Variants in RNF6 observed in about 807,000 individuals in gnomAD.
RNF6 encodes ring finger protein 6.
Under a neutral mutation model 50.1 loss-of-function variants are expected in RNF6, and 21 were observed. The ratio of observed to expected loss-of-function variants is 0.42; its 90% CI spans 0.30 to 0.60. The LOEUF (loss-of-function observed/expected upper bound fraction) is 0.60, where lower values mean the gene tolerates loss of function less well. Among genes scored for constraint, RNF6 ranks in the 20% least tolerant of loss-of-function variants. The pLI is 0.20. For synonymous variants in RNF6, 255 were observed against 291.8 expected (o/e 0.87, Z 1.29); for missense variants, 698 against 838.2 (o/e 0.83, Z 2.07).
At chr13:26,178,724 A>T (rs1186646692) in intron 5 of RNF6, among the ~76,000 whole-genome samples, 3 of 151,738 alleles carry the variant, frequency 2.0e-5, no homozygotes, top group African/African-American at 7.3e-5. Flanking sequence ...GATGTATATT[A>T]GATCTCCAGA....
intron 4 of RNF6, 116 bp from the exon 5 acceptor site, chr13:26,215,708 T>A: frequency 1.1e-6 from 1 of 899,322 alleles, no homozygotes; most frequent in Non-Finnish European, 1.6e-6. Flanking sequence ...CTGTGGATTT[T>A]AATGAATGAA....
intron 5 of RNF6, among the ~76,000 whole-genome samples, chr13:26,198,880 A>G (rs182191655): frequency 2.0e-5 from 3 of 152,160 alleles, no homozygotes; most frequent in African/African-American, 7.2e-5. Flanking sequence ...AATAACATTT[A>G]CAATAACTTC....
intron 5 of RNF6, among the ~76,000 whole-genome samples, chr13:26,206,351 T>C (rs1012302448): frequency 6.6e-6 from 1 of 152,156 alleles, no homozygotes; most frequent in Admixed American, 6.5e-5. Context: ...GTGTAGCCAC[T>C]GTGGTTAAGC....
At position 26,177,557 on chromosome 13, in the gene RNF6, TGA is replaced by T. The variant is rs573081905; in HGVS notation, n.768+37915_768+37916del. ...AACACACAGGTGATAACCATAACCA[TGA>T]GAGTGGCCCTGACAGTATATGCCCA... On this transcript the variant is annotated intron_variant and non_coding_transcript_variant, in intron 5 of 5. Coordinates refer to the RNF6 transcript ENST00000468480. Among the ~76,000 whole-genome samples the T allele has an allele frequency of 1.8e-3, 270 of 152,312 alleles. 2 individuals carry two copies. The highest frequency in any genetic ancestry group is 6.2e-3 in the African/African-American group (259 of 41,566).
intron 5 of RNF6, among the ~76,000 whole-genome samples, chr13:26,164,241 C>T (rs1872343407): frequency 6.6e-6 from 1 of 152,080 alleles, no homozygotes; most frequent in Non-Finnish European, 1.5e-5. Flanking sequence ...AAAATTTTGG[C>T]CATTATTTCT....
chr13:26,222,312 A>T lies in RNF6; in HGVS notation c.-411T>A, dbSNP rs566445118. ...AGCCGGCCCGGAGCTCGCCCGTGCAACTGAAAACTGCGTCCGTCGGGAGCT... is the reference window on the plus strand; with the variant it reads ...AGCCGGCCCGGAGCTCGCCCGTGCATCTGAAAACTGCGTCCGTCGGGAGCT... On this transcript the variant is annotated 5_prime_UTR_variant, in exon 1 of 5. The change creates a new upstream start codon in the 5' untranslated region. Transcript: ENST00000381588. 9.2e-5 allele frequency: 14 copies of T among 152,388 alleles called. No individual in the cohort carries two copies. Among genetic ancestry groups the T allele is most frequent in the African/African-American group, 3.4e-4 (14 of 41,564 alleles). 9.4% of individuals were successfully genotyped at this position (152,388 alleles called of 1,614,324 possible). A position where few individuals can be genotyped will look rare whatever the true frequency, so the allele number is the denominator to read the frequency against.
intron 5 of RNF6, among the ~76,000 whole-genome samples, chr13:26,184,874 T>C (rs908689717): frequency 6.6e-6 from 1 of 152,148 alleles, no homozygotes; most frequent in African/African-American, 2.4e-5. Flanking sequence ...CAAATGTCCT[T>C]AGCTGCCCTC....
At chr13:26,155,647 G>A (rs1871880017) in intron 5 of RNF6, among the ~76,000 whole-genome samples, 2 of 152,216 alleles carry the variant, frequency 1.3e-5, no homozygotes, top group South Asian at 4.1e-4. Context: ...TGCTGGACGG[G>A]CAATAGGTCT....
chr13:26,144,677 T>C (rs1313800146), intron 5 of RNF6, among the ~76,000 whole-genome samples: 1 of 152,220 alleles, frequency 6.6e-6, no homozygotes, highest in Non-Finnish European at 1.5e-5. Context: ...ATTCAGGTAT[T>C]GTCTCCATAT....
chr13:26,143,063 C>A (rs1338965210), intron 5 of RNF6, among the ~76,000 whole-genome samples: 1 of 152,184 alleles, frequency 6.6e-6, no homozygotes, highest in Non-Finnish European at 1.5e-5. Context: ...TTTATAACTA[C>A]CCTCTTCCAT....
At chr13:26,198,091 A>G (rs868621522) in intron 5 of RNF6, among the ~76,000 whole-genome samples, 1 of 149,830 alleles carries the variant, frequency 6.7e-6, no homozygotes. Flanking sequence ...GAGAATATGT[A>G]TGTGTGTGTA....
intron 5 of RNF6, among the ~76,000 whole-genome samples, chr13:26,179,552 A>T (rs1223536036): frequency 6.6e-6 from 1 of 152,158 alleles, no homozygotes; most frequent in Non-Finnish European, 1.5e-5. Flanking sequence ...TATTCTGAAC[A>T]GTTCCTTCTT....
rs1555314749 is a variant in RNF6 at position 26,149,920 on chromosome 13, G to GTGTA, written n.769-17470_769-17469insTACA. On this transcript the variant is annotated intron_variant and non_coding_transcript_variant, in intron 5 of 5. Transcript: ENST00000468480. ...CACACACACAGTGTATATATAATGT[G>GTGTA]TATATATATATACACAGTGTATATA... Among the ~76,000 whole-genome samples, 11 of 32,312 alleles carry GTGTA rather than the reference G, an allele frequency of 3.4e-4. 3 individuals carry two copies. In the Admixed American group the frequency reaches 3.7e-3, roughly 11 times the overall value. The allele number at this position is 32,312 out of a possible 152,430, so 21.2% of individuals were successfully genotyped here.
At chr13:26,204,595 G>A (rs895036352) in intron 5 of RNF6, among the ~76,000 whole-genome samples, 1 of 151,828 alleles carries the variant, frequency 6.6e-6, no homozygotes, top group Non-Finnish European at 1.5e-5. Context: ...GCAATTAACT[G>A]AGAAATTTTA....
At chr13:26,205,297 T>A (rs1029905795) in intron 5 of RNF6, among the ~76,000 whole-genome samples, 3 of 152,170 alleles carry the variant, frequency 2.0e-5, no homozygotes, top group Non-Finnish European at 4.4e-5. Flanking sequence ...ACAAGACTAT[T>A]TTGCCTTGTT....
chr13:26,204,293 C>G (rs1164030597), intron 5 of RNF6, among the ~76,000 whole-genome samples: 6 of 151,844 alleles, frequency 4.0e-5, no homozygotes, highest in Non-Finnish European at 8.8e-5. Context: ...GTCAGGAGTT[C>G]GAGACCAGAC....
intron 5 of RNF6, among the ~76,000 whole-genome samples, chr13:26,205,145 T>C (rs17083419): frequency 0.056 from 8,565 of 152,234 alleles, 800 homozygotes; most frequent in African/African-American, 0.19. Context: ...TATTTCTCTG[T>C]ATTGAGCTTC....
At chr13:26,216,596 C>A (rs966959415) in intron 4 of RNF6, among the ~76,000 whole-genome samples, 1 of 152,086 alleles carries the variant, frequency 6.6e-6, no homozygotes, top group Admixed American at 6.5e-5. Flanking sequence ...AAGTACAAAA[C>A]TTAATAAAAA....
intron 5 of RNF6, among the ~76,000 whole-genome samples, chr13:26,145,078 T>C (rs1444754970): frequency 6.6e-6 from 1 of 152,190 alleles, no homozygotes; most frequent in Non-Finnish European, 1.5e-5. Context: ...ACTGCTGGCC[T>C]TGCTGGTTAA....
Sources: allele counts gnomAD v4.1 joint callset (sites outside exome capture counted in the v4.1 genomes callset), GRCh38; gene constraint gnomAD v4.1.1; transcripts MANE v1.5; gene names NCBI Gene and HGNC (gene_info 2026-07-23, HGNC 2026-07-21).